The following SCGB2B2 variants were observed in gnomAD, a reference collection of about 807,000 sequenced individuals.
The protein encoded by SCGB2B2 is secretoglobin family 2B member 2.
Under a neutral mutation model 7.6 loss-of-function variants are expected in SCGB2B2, and 11 were observed. The ratio of observed to expected loss-of-function variants is 1.45; its 90% confidence interval spans 0.91 to 2.40. The LOEUF (loss-of-function observed/expected upper bound fraction) is 2.40, where lower values mean the gene tolerates loss of function less well. Ranked by LOEUF, SCGB2B2 falls within the 30% of genes most tolerant of loss-of-function variation. The probability of loss-of-function intolerance (pLI) is 0.00; values close to 1 mark genes in which losing one functional copy is unlikely to be tolerated. For synonymous variants in SCGB2B2, 50 were observed against 48.6 expected (o/e 1.03, Z -0.12); for missense variants, 104 against 115.4 (o/e 0.90, Z 0.45).
intron 1 of SCGB2B2, among the ~76,000 whole-genome samples, chr19:34,599,931 C>G (rs1437192473): frequency 6.6e-6 from 1 of 152,174 alleles, no homozygotes; most frequent in Non-Finnish European, 1.5e-5. Context: ...TAAGTGATTA[C>G]TGTAATGCAA....
intron 1 of SCGB2B2, chr19:34,638,050 ATAAAG>A (rs1175665052): frequency 6.6e-6 from 1 of 152,254 alleles, no homozygotes; most frequent in African/African-American, 2.4e-5. Context: ...TTGACAAGTT[ATAAAG>A]TAGTTATATA....
chr19:34,614,026 C>A (rs576150047), intron 1 of SCGB2B2, among the ~76,000 whole-genome samples: 1 of 152,116 alleles, frequency 6.6e-6, no homozygotes, highest in African/African-American at 2.4e-5. Flanking sequence ...TGTGACTTGA[C>A]GCTTTTGCTG....
At chr19:34,640,509 C>T (rs2066811240) in intron 1 of SCGB2B2, 1 of 152,044 alleles carries the variant, frequency 6.6e-6, no homozygotes, top group Non-Finnish European at 1.5e-5. Context: ...CTATGGAAAG[C>T]TTAATTTAAA....
chr19:34,672,695 C>T (rs1039374904), intron 1 of SCGB2B2, among the ~76,000 whole-genome samples: 10 of 152,104 alleles, frequency 6.6e-5, no homozygotes, highest in African/African-American at 2.2e-4. Context: ...TATTTGTATC[C>T]CCCCAAAATT....
chr19:34,658,338 T>C (rs2067340013), intron 1 of SCGB2B2, among the ~76,000 whole-genome samples: 2 of 151,722 alleles, frequency 1.3e-5, no homozygotes, highest in South Asian at 2.1e-4. Flanking sequence ...ATCAACAAAA[T>C]AGATAGACTG....
chr19:34,597,762 G>A (rs2065501629), intron 1 of SCGB2B2, among the ~76,000 whole-genome samples: 1 of 152,218 alleles, frequency 6.6e-6, no homozygotes, highest in African/African-American at 2.4e-5. Flanking sequence ...GTGAGCAGCA[G>A]CAGAGAGCGG....
At chr19:34,609,264 T>A (rs929357161) in intron 1 of SCGB2B2, among the ~76,000 whole-genome samples, 2 of 152,142 alleles carry the variant, frequency 1.3e-5, no homozygotes, top group Non-Finnish European at 2.9e-5. Flanking sequence ...TTCTTTCCCA[T>A]TCTGCAAGTC....
chr19:34,648,492 T>G (rs913418175), intron 1 of SCGB2B2, among the ~76,000 whole-genome samples: 2 of 152,194 alleles, frequency 1.3e-5, no homozygotes, highest in African/African-American at 4.8e-5. Flanking sequence ...AGAGAATATT[T>G]GTCTGGTTAC....
chr19:34,636,436 T>C (rs2066682097), intron 1 of SCGB2B2, among the ~76,000 whole-genome samples: 1 of 152,176 alleles, frequency 6.6e-6, no homozygotes, highest in South Asian at 2.1e-4. Context: ...CTGCAATGGC[T>C]TTTAGCAGGA....
chr19:34,623,777 C>T (rs2066298968), intron 1 of SCGB2B2, among the ~76,000 whole-genome samples: 1 of 152,126 alleles, frequency 6.6e-6, no homozygotes, highest in African/African-American at 2.4e-5. Flanking sequence ...AGAATGGGAC[C>T]AATTGACTTC....
At chr19:34,667,543 A>C (rs1453302374) in intron 1 of SCGB2B2, among the ~76,000 whole-genome samples, 1 of 152,218 alleles carries the variant, frequency 6.6e-6, no homozygotes, top group Non-Finnish European at 1.5e-5. Context: ...GTGTACACCA[A>C]GTAACCAATG....
At chr19:34,605,797 TTGGTCAGGCTG>T (rs1377309009) in intron 1 of SCGB2B2, among the ~76,000 whole-genome samples, 3 of 152,152 alleles carry the variant, frequency 2.0e-5, no homozygotes, top group Non-Finnish European at 4.4e-5. Flanking sequence ...TTCCTCCATG[TTGGTCAGGCTG>T]GTCTCGAACT....
At chr19:34,639,350 G>A (rs1369630099) in intron 1 of SCGB2B2, among the ~76,000 whole-genome samples, 1 of 152,154 alleles carries the variant, frequency 6.6e-6, no homozygotes, top group African/African-American at 2.4e-5. Context: ...TACACTTGCT[G>A]GAAACAATAT....
Position 34,608,946 on chromosome 19 carries a change from A to G in SCGB2B2, c.-2031-12352T>C, listed in dbSNP as rs534797907. On this transcript the variant is annotated intron_variant, in intron 1 of 3. Transcript: ENST00000601241. ...CTAATTTACATTCCTATCAACCAGC[A>G]AGAGTTCCCATTTCCTTGCTTCCTC... Among the ~76,000 whole-genome samples, 253 of 152,024 alleles carry G rather than the reference A, an allele frequency of 1.7e-3. 1 individual carries two copies. Among genetic ancestry groups the G allele is most frequent in the African/African-American group, 5.6e-3 (233 of 41,488 alleles).
chr19:34,599,284 T>G (rs1176052504), intron 1 of SCGB2B2, among the ~76,000 whole-genome samples: 1 of 152,040 alleles, frequency 6.6e-6, no homozygotes, highest in Non-Finnish European at 1.5e-5. Context: ...TGTGGAGGAG[T>G]TGGGGCAGGC....
intron 1 of SCGB2B2, among the ~76,000 whole-genome samples, chr19:34,630,612 T>C (rs1023872356): frequency 2.6e-5 from 4 of 151,726 alleles, no homozygotes; most frequent in Non-Finnish European, 4.4e-5. Flanking sequence ...AGCCAGGAAA[T>C]AACAGGTGCT....
intron 1 of SCGB2B2, among the ~76,000 whole-genome samples, chr19:34,614,557 G>A (rs926239041): frequency 2.0e-5 from 3 of 151,904 alleles, no homozygotes; most frequent in African/African-American, 4.8e-5. Flanking sequence ...TTATCTTGTC[G>A]AGTTTCCTTA....
downstream of SCGB2B2, among the ~76,000 whole-genome samples, chr19:34,589,353 G>T (rs1038284418): frequency 6.6e-6 from 1 of 152,040 alleles, no homozygotes; most frequent in Admixed American, 6.5e-5. Flanking sequence ...CAGAGCCAGG[G>T]CAGGAGGCCA....
chr19:34,588,642 T>C (rs2065232751), downstream of SCGB2B2, among the ~76,000 whole-genome samples: 1 of 152,206 alleles, frequency 6.6e-6, no homozygotes, highest in Non-Finnish European at 1.5e-5. Flanking sequence ...GGATGCTCCA[T>C]CTCCCGCTCC....
Sources: gnomAD v4.1 joint callset for allele counts (sites outside exome capture counted in the v4.1 genomes callset) on GRCh38, gnomAD v4.1.1 for gene constraint, MANE v1.5 for transcripts, NCBI Gene and HGNC (gene_info 2026-07-23, HGNC 2026-07-21) for gene names.